The following SPMIP2 variants were observed in gnomAD, a reference collection of about 807,000 sequenced individuals.
SPMIP2 encodes protein SPMIP2.
chr4:158,914,566 G>A, the SPMIP2 span, among the ~76,000 whole-genome samples: 1 of 152,194 alleles, frequency 6.6e-6, no homozygotes, highest in Non-Finnish European at 1.5e-5. Flanking sequence ...AAAGTTCATT[G>A]TGCTGTGGGA....
the SPMIP2 span, chr4:159,007,335 C>A: frequency 1.4e-6 from 1 of 730,546 alleles, no homozygotes; most frequent in Non-Finnish European, 2.5e-6. Flanking sequence ...GGCCCTCCAC[C>A]CAAGGATGAT....
At chr4:158,932,023 C>G in the SPMIP2 span, among the ~76,000 whole-genome samples, 1 of 152,002 alleles carries the variant, frequency 6.6e-6, no homozygotes, top group African/African-American at 2.4e-5. Context: ...AGCATGGTGG[C>G]TCACACCTGT....
At chr4:159,017,213 T>C in the SPMIP2 span, among the ~76,000 whole-genome samples, 1 of 152,226 alleles carries the variant, frequency 6.6e-6, no homozygotes, top group African/African-American at 2.4e-5. Flanking sequence ...AGGTTCCTTC[T>C]GCACTGCCTT....
At chr4:158,937,558 TA>T in the SPMIP2 span, 1 of 154,344 alleles carries the variant, frequency 6.5e-6, no homozygotes. Flanking sequence ...CTGTTTAAAA[TA>T]AAGGTCCAAA....
the SPMIP2 span, among the ~76,000 whole-genome samples, chr4:158,959,651 GAC>G: frequency 6.6e-6 from 1 of 152,132 alleles, no homozygotes; most frequent in Non-Finnish European, 1.5e-5. Flanking sequence ...TGATAACAAA[GAC>G]AGTATTCAAT....
the SPMIP2 span, among the ~76,000 whole-genome samples, chr4:159,024,357 C>CT: frequency 6.6e-6 from 1 of 152,118 alleles, no homozygotes; most frequent in South Asian, 2.1e-4. Context: ...AAGGTTCTAC[C>CT]TTTTCTGAGA....
chr4:159,061,907 C>T, the SPMIP2 span, among the ~76,000 whole-genome samples: 1 of 151,636 alleles, frequency 6.6e-6, no homozygotes, highest in African/African-American at 2.4e-5. Context: ...CTTATCCCTG[C>T]TGGGGAGAGC....
the SPMIP2 span, among the ~76,000 whole-genome samples, chr4:158,979,789 G>GTTTTTTTTTTTTTTTT: frequency 1.9e-5 from 2 of 104,512 alleles, no homozygotes; most frequent in African/African-American, 8.3e-5. Flanking sequence ...AGTTGCAAGA[G>GTTTTTTTTTTTTTTTT]TTTTTTTTTT....
the SPMIP2 span, among the ~76,000 whole-genome samples, chr4:159,074,299 G>T: frequency 6.6e-6 from 1 of 152,078 alleles, no homozygotes; most frequent in African/African-American, 2.4e-5. Flanking sequence ...AGCAGTGAAG[G>T]CAGGCGTAGA....
chr4:159,024,448 C>T, the SPMIP2 span, among the ~76,000 whole-genome samples: 16 of 152,158 alleles, frequency 1.1e-4, no homozygotes, highest in Non-Finnish European at 1.5e-5. Context: ...TGACTAGGAT[C>T]ATACACAGCA....
chr4:158,894,921 T>C, the SPMIP2 span, among the ~76,000 whole-genome samples: 4 of 152,228 alleles, frequency 2.6e-5, no homozygotes, highest in South Asian at 8.3e-4. Context: ...TTCAAATGCA[T>C]CTGTTAATCT....
chr4:158,962,155 G>C, the SPMIP2 span, among the ~76,000 whole-genome samples: 1 of 152,130 alleles, frequency 6.6e-6, no homozygotes, highest in Non-Finnish European at 1.5e-5. Context: ...TCTAAAATGA[G>C]TAAAAACTGT....
the SPMIP2 span, among the ~76,000 whole-genome samples, chr4:158,982,305 G>C: frequency 6.6e-6 from 1 of 152,194 alleles, no homozygotes; most frequent in East Asian, 1.9e-4. Context: ...ATTAATATTA[G>C]ACAGATCAAC....
chr4:158,911,100 T>C, the SPMIP2 span, among the ~76,000 whole-genome samples: 1 of 152,156 alleles, frequency 6.6e-6, no homozygotes, highest in African/African-American at 2.4e-5. Context: ...AAGGCTGACA[T>C]AGATGTCACG....
chr4:158,988,076 C>A, the SPMIP2 span, among the ~76,000 whole-genome samples: 1 of 152,064 alleles, frequency 6.6e-6, no homozygotes, highest in African/African-American at 2.4e-5. Flanking sequence ...ACTGATCCTG[C>A]AGAAATACAA....
the SPMIP2 span, among the ~76,000 whole-genome samples, chr4:158,916,030 G>A: frequency 2.0e-5 from 3 of 152,350 alleles, no homozygotes; most frequent in East Asian, 3.9e-4. Flanking sequence ...TGGGCTGCAA[G>A]AGCCCCTTGG....
chr4:158,992,691 G>A, the SPMIP2 span, among the ~76,000 whole-genome samples: 3 of 152,208 alleles, frequency 2.0e-5, no homozygotes, highest in East Asian at 1.9e-4. Flanking sequence ...GATGAAGGCC[G>A]CTCTCTGCTT....
chr4:159,049,926 G>A, the SPMIP2 span, among the ~76,000 whole-genome samples: 2 of 152,182 alleles, frequency 1.3e-5, no homozygotes. Context: ...ATTTGGTACT[G>A]GAGATGTCTT....
chr4:159,040,335 C>A, the SPMIP2 span, among the ~76,000 whole-genome samples: 1 of 151,848 alleles, frequency 6.6e-6, no homozygotes, highest in Non-Finnish European at 1.5e-5. Flanking sequence ...CCATACCTGG[C>A]TAATTTTTTG....
Sources: allele counts gnomAD v4.1 joint callset (sites outside exome capture counted in the v4.1 genomes callset), GRCh38; gene constraint gnomAD v4.1.1; transcripts MANE v1.5; gene names NCBI Gene and HGNC (gene_info 2026-07-23, HGNC 2026-07-21).